The following DAW1 variants were observed in gnomAD, a reference collection of about 807,000 sequenced individuals.
DAW1 encodes dynein assembly factor with WD repeats 1.
DAW1 carries 47 observed loss-of-function variants against 56.5 expected under a neutral mutation model. The ratio of observed to expected loss-of-function variants is 0.83; its 90% confidence interval spans 0.66 to 1.06. The LOEUF (loss-of-function observed/expected upper bound fraction) is 1.06. DAW1 is among the 50% of genes least tolerant of loss of function. The probability of loss-of-function intolerance (pLI) is 0.00; values close to 1 mark genes in which losing one functional copy is unlikely to be tolerated. For missense variants in DAW1, 505 were observed against 499.3 expected, an observed-to-expected ratio of 1.01 and a Z score of -0.11; for synonymous variants, 190 against 179.0, an observed-to-expected ratio of 1.06 and a Z score of -0.49.
At chr2:227,885,644 A>G (rs574165483) in intron 2 of DAW1, among the ~76,000 whole-genome samples, 1 of 114,206 alleles carries the variant, frequency 8.8e-6, no homozygotes, top group African/African-American at 3.1e-5. Flanking sequence ...TTTTTTTTCT[A>G]AGGTCTTAAA....
chr2:227,920,833 T>G (rs1244722326), intron 11 of DAW1, among the ~76,000 whole-genome samples: 1 of 152,090 alleles, frequency 6.6e-6, no homozygotes. Flanking sequence ...TGTGCCACCA[T>G]CCATGCCAAG....
intron 6 of DAW1, among the ~76,000 whole-genome samples, chr2:227,898,895 A>T (rs1464850638): frequency 6.6e-6 from 1 of 152,146 alleles, no homozygotes; most frequent in African/African-American, 2.4e-5. Context: ...TAAAGTACTG[A>T]CTCAATGAGG....
chr2:227,884,606 A>T (rs942579601), intron 1 of DAW1, among the ~76,000 whole-genome samples: 1 of 152,126 alleles, frequency 6.6e-6, no homozygotes, highest in Non-Finnish European at 1.5e-5. Flanking sequence ...CGCCACCTGC[A>T]GGGCGCAGAA....
At chr2:227,921,962 G>T (rs1692120917) in intron 12 of DAW1, among the ~76,000 whole-genome samples, 1 of 152,144 alleles carries the variant, frequency 6.6e-6, no homozygotes, top group Non-Finnish European at 1.5e-5. Context: ...GGCCAGCCTG[G>T]GCAACATAGT....
At chr2:227,884,329 A>G (rs574486990) in intron 1 of DAW1, among the ~76,000 whole-genome samples, 54 of 152,226 alleles carry the variant, frequency 3.5e-4, no homozygotes, top group African/African-American at 1.2e-3. Flanking sequence ...CCTCTGATTC[A>G]TCTTGGTATT....
At chr2:227,888,670 A>G (rs1233315998) in intron 2 of DAW1, among the ~76,000 whole-genome samples, 1 of 152,214 alleles carries the variant, frequency 6.6e-6, no homozygotes, top group Non-Finnish European at 1.5e-5. Flanking sequence ...TCTGGGCTTG[A>G]TTCTTTCTTA....
intron 1 of DAW1, among the ~76,000 whole-genome samples, chr2:227,881,396 G>T (rs556765808): frequency 3.9e-5 from 6 of 152,304 alleles, no homozygotes; most frequent in African/African-American, 1.4e-4. Flanking sequence ...ATCATGACTT[G>T]CCCTGAGAAG....
chr2:227,922,907 G>A (rs1692144472), intron 12 of DAW1, among the ~76,000 whole-genome samples: 1 of 152,168 alleles, frequency 6.6e-6, no homozygotes, highest in Admixed American at 6.5e-5. Context: ...GAGGGCACAG[G>A]GCGCTCCTGC....
At chr2:227,907,805 C>T (rs748448493) in intron 10 of DAW1, among the ~76,000 whole-genome samples, 6 of 152,204 alleles carry the variant, frequency 3.9e-5, no homozygotes, top group African/African-American at 7.2e-5. Flanking sequence ...GCCTTGGCCT[C>T]CCAAAATGCT....
intron 1 of DAW1, among the ~76,000 whole-genome samples, chr2:227,876,155 A>G (rs888683208): frequency 1.3e-5 from 2 of 152,012 alleles, no homozygotes; most frequent in South Asian, 2.1e-4. Flanking sequence ...AGCTGGGACT[A>G]CAGGCGCCCG....
At chr2:227,923,446 T>G (rs1559317179) in intron 12 of DAW1, among the ~76,000 whole-genome samples, 1 of 152,240 alleles carries the variant, frequency 6.6e-6, no homozygotes, top group South Asian at 2.1e-4. Context: ...ATTGATGTTA[T>G]GTGCCTGGTC....
chr2:227,880,596 T>C (rs1404040531), intron 1 of DAW1, among the ~76,000 whole-genome samples: 1 of 152,240 alleles, frequency 6.6e-6, no homozygotes, highest in African/African-American at 2.4e-5. Context: ...TCTGGGCAGT[T>C]TCTTGAGTCA....
chr2:227,894,128 G>A (rs528044949), intron 5 of DAW1, among the ~76,000 whole-genome samples: 25 of 152,244 alleles, frequency 1.6e-4, no homozygotes, highest in African/African-American at 5.8e-4. Flanking sequence ...AAGGCTGGGC[G>A]TGGTGGCTCA....
At chr2:227,871,932 A>G (rs1690760659) in intron 1 of DAW1, among the ~76,000 whole-genome samples, 1 of 152,238 alleles carries the variant, frequency 6.6e-6, no homozygotes, top group Non-Finnish European at 1.5e-5. Flanking sequence ...CTCTTTTAGG[A>G]ATTTAAAGAG....
chr2:227,885,441 T>G lies in DAW1; in HGVS notation c.113+18T>G. The G allele has an allele frequency of 6.3e-7, 1 of 1,582,070 alleles. No individual in the cohort carries two copies. Among genetic ancestry groups the G allele is most frequent in the Non-Finnish European group, 8.6e-7 (1 of 1,164,662 alleles). ...GGTCCCAGGTAAGTAAGCTGTAGGA[T>G]TCAACAAATAAATGTTCACTGGGAA... On this transcript the variant is annotated intron_variant, in intron 2 of 12. Transcript: ENST00000309931.
At chr2:227,873,045 C>G (rs1690793572) in intron 1 of DAW1, among the ~76,000 whole-genome samples, 1 of 152,176 alleles carries the variant, frequency 6.6e-6, no homozygotes, top group Non-Finnish European at 1.5e-5. Flanking sequence ...TAAAACTTCA[C>G]TTGTCTACCC....
chr2:227,899,342 T>C (rs919970928), intron 6 of DAW1, among the ~76,000 whole-genome samples: 1 of 152,230 alleles, frequency 6.6e-6, no homozygotes, highest in Non-Finnish European at 1.5e-5. Flanking sequence ...ACTAACTTTG[T>C]TGTACTTTGA....
intron 5 of DAW1, chr2:227,895,490 C>A (rs1202910831): frequency 6.6e-6 from 1 of 152,194 alleles, no homozygotes; most frequent in African/African-American, 2.4e-5. Flanking sequence ...TGTGATTTCT[C>A]CTGGTAAGAG....
intron 1 of DAW1, among the ~76,000 whole-genome samples, chr2:227,876,172 C>T (rs1035498161): frequency 3.6e-4 from 55 of 152,100 alleles, no homozygotes; most frequent in Admixed American, 3.3e-3. Flanking sequence ...CCCGCCAGTA[C>T]GCCAGGCTAA....
Sources: allele counts gnomAD v4.1 joint callset (sites outside exome capture counted in the v4.1 genomes callset), GRCh38; gene constraint gnomAD v4.1.1; transcripts MANE v1.5; gene names NCBI Gene and HGNC (gene_info 2026-07-23, HGNC 2026-07-21).